TTN: variants seen among roughly 807,000 people sequenced by gnomAD.
The protein encoded by TTN is connectin.
Under a neutral mutation model 3,223.0 loss-of-function variants are expected in TTN, and 1,525 were observed. That is an observed-to-expected ratio of 0.47 (90% confidence interval 0.45 to 0.49). The LOEUF (loss-of-function observed/expected upper bound fraction) is 0.49. Ranked by LOEUF, TTN falls within the 20% of genes least tolerant of loss-of-function variation. The pLI is 0.00. For missense variants in TTN, 40,786 were observed against 43,424.0 expected (o/e 0.94, Z 5.40); for synonymous variants, 14,094 against 15,161.0 (o/e 0.93, Z 5.17).
rs761977224 is a variant in TTN at position 178,779,277 on chromosome 2, C to T, written c.3915G>A (p.Gly1305=). The change falls in exon 23 of 363, where the codon GGG becomes GGA. Residue 1305 remains glycine, a synonymous_variant. Transcript: ENST00000589042. ...TCTTGCAATGAAAAGTGACACCCAT[C>T]CCCTCAAGAATTCTATAATTCTTGA... ...SRIKNYRILE[G]MGVTFHCKMS... 6.2e-7 allele frequency: 1 copy of T among 1,613,826 alleles called. No individual in the cohort carries two copies. The highest frequency in any genetic ancestry group is 1.1e-5 in the South Asian group (1 of 91,072).
chr2:178,675,708 A>G lies in TTN; in HGVS notation c.34500T>C (p.Pro11500=). 2.1e-6 allele frequency: 3 copies of G among 1,428,874 alleles called. No homozygotes were observed. Among genetic ancestry groups the G allele is most frequent in the Non-Finnish European group, 2.7e-6 (3 of 1,100,740 alleles). 88.5% of individuals were successfully genotyped at this position (1,428,874 alleles called of 1,614,324 possible). ...KKPEPEKKVP[P]PGLKKAVAPP... The stretch of plus-strand genomic sequence containing the variant: ...GGGCCACTGCTTTCTTAAGACCAGG[A>G]GGAGGGACCTTCTTTTCTGGCTCAG... The change falls in exon 149 of 363, where the codon CCT becomes CCC. Residue 11500 remains proline, a synonymous_variant. Coordinates refer to ENST00000589042, the MANE Select transcript of TTN (RefSeq NM_001267550.2).
In TTN at chr2:178,779,025, C is replaced by G. The variant is rs36062108; in HGVS notation, c.4057G>C (p.Val1353Leu). 44 of 1,612,846 alleles carry G rather than the reference C, an allele frequency of 2.7e-5. No individual in the cohort carries two copies. The highest frequency in any genetic ancestry group is 3.6e-5 in the Non-Finnish European group (42 of 1,179,612). Residue 1353 changes from valine to leucine, a missense_variant, in exon 24 of 363, where the codon GTT becomes CTT. Transcript: ENST00000589042. The stretch of plus-strand genomic sequence containing the variant: ...ATTCCTTCATCTTCTGGAAGAACAA[C>G]AGGTATACGCAGACTAGCTCTGCCA... ...QDGRASLRIP[V>L]VLPEDEGIYT...
In TTN at chr2:178,534,525, A is replaced by C. The variant is rs983992532; in HGVS notation, c.102090T>G (p.Ala34030=). 6.2e-7 allele frequency: 1 copy of C among 1,613,896 alleles called. No homozygotes were observed. Among genetic ancestry groups the C allele is most frequent in the East Asian group, 2.2e-5 (1 of 44,888 alleles). Residue 34030 remains alanine, a synonymous_variant, in exon 358 of 363, where the codon GCT becomes GCG. Coordinates refer to ENST00000589042, the MANE Select transcript of TTN (RefSeq NM_001267550.2). ...ATGCTTCCTCATCGAAAGTATATTCAGCATTCATGATATTCTCAATGATCT... is the reference window on the plus strand; with the variant it reads ...ATGCTTCCTCATCGAAAGTATATTCCGCATTCATGATATTCTCAATGATCT... ...NQQIIENIMN[A]EYTFDEEAFK...
chr2:178,795,056 T>G lies in TTN; in HGVS notation c.1111A>C (p.Arg371=), dbSNP rs765810853. 9.3e-6 allele frequency: 15 copies of G among 1,613,692 alleles called. No individual in the cohort carries two copies. ...ETTLTTSTQI[R]TEERWEGRYG... The stretch of plus-strand genomic sequence containing the variant: ...CTCCCTTCCCATCTCTCTTCTGTCC[T>G]GATCTGAGTAGAGGTTGTCAGCGTT... Residue 371 remains arginine, a synonymous_variant, in exon 7 of 363, where the codon AGG becomes CGG. Transcript: ENST00000589042.
rs397517781 is a variant in TTN at position 178,537,377 on chromosome 2, C to T, written c.99830G>A (p.Gly33277Glu). The T allele has an allele frequency of 4.5e-4, 715 of 1,594,552 alleles. 7 individuals are homozygous for T. In the South Asian group the frequency reaches 7.9e-3, roughly 18 times the overall value. ...CACATCAAGGATGGCATCAACTGTT[C>T]CAAAAACATTGCTGAGCTGGACTTT... ...KYKVQLSNVF[G>E]TVDAILDVEI... is the part of the protein sequence containing the mutation. Residue 33277 changes from glycine (G) to glutamate (E), a missense_variant, in exon 355 of 363, where the codon GGA becomes GAA. Coordinates refer to ENST00000589042, the MANE Select transcript of TTN (RefSeq NM_001267550.2).
rs1577733010 is a variant in TTN at position 178,706,507 on chromosome 2, A to G, written c.29367T>C (p.Asp9789=). 3 of 1,613,682 alleles carry G rather than the reference A, an allele frequency of 1.9e-6. No individual in the cohort carries two copies. Among genetic ancestry groups the G allele is most frequent in the Non-Finnish European group, 2.5e-6 (3 of 1,179,782 alleles). ...CAATTTTCTCTTGTTTCTTCCTTTC[A>G]TCCACCTGTAAGTTAACATTACTTT... ...EIESNVNLQV[D]ERKKQEKIEG... The change falls in exon 102 of 363, where the codon GAT becomes GAC. Residue 9789 remains aspartate (D), a synonymous_variant. Transcript: ENST00000589042.
chr2:178,737,991 A>G, intron 49 of TTN, 91 bp downstream of exon 49: 1 of 1,515,578 alleles, frequency 6.6e-7, no homozygotes, highest in South Asian at 1.3e-5. Context: ...TCCAGTTGGT[A>G]ATACAAGCAT....
chr2:178,635,909 C>T, intron 226 of TTN, 54 bp downstream of exon 226: 2 of 1,535,776 alleles, frequency 1.3e-6, no homozygotes, highest in Non-Finnish European at 1.7e-6. Context: ...GTCCTTTCTT[C>T]CATTTTCTTA....
chr2:178,555,320 C>G (rs146864598), intron 330 of TTN, 168 bp from the exon 331 acceptor site: 2 of 645,766 alleles, frequency 3.1e-6, no homozygotes, highest in Non-Finnish European at 2.5e-6. Context: ...ATAGGCCACT[C>G]TTCTATCTCA....
chr2:178,541,073 C>T (rs949001253), intron 350 of TTN: 11 of 400,130 alleles, frequency 2.7e-5, no homozygotes, highest in South Asian at 1.2e-4. Flanking sequence ...TGCCAGAAAT[C>T]GCTAGCAGCT....
rs367751077 is a variant in TTN at position 178,634,828 on chromosome 2, C to G, written c.42046G>C (p.Gly14016Arg). 1.9e-5 allele frequency: 31 copies of G among 1,610,724 alleles called. No homozygotes were observed. Among genetic ancestry groups the G allele is most frequent in the Non-Finnish European group, 2.6e-5 (31 of 1,178,910 alleles). ...PSPTCEIKAE[G>R]GKRFLTLHKV... is the part of the protein sequence containing the mutation. Reference sequence around the variant, plus strand: ...TGCAAAGTTAAGAAGCGTTTTCCACCTTCTGCTTTGATTTCACAAGTCTGA... The same window carrying G: ...TGCAAAGTTAAGAAGCGTTTTCCACGTTCTGCTTTGATTTCACAAGTCTGA... The change falls in exon 229 of 363, where the codon GGT (glycine) becomes CGT (arginine). Residue 14016 changes from glycine to arginine, a missense_variant. By Grantham distance (125) the Gly-to-Arg change is moderately radical (BLOSUM62 -2). Transcript: ENST00000589042. The surrounding 1 kb of genome is among the most constrained non-coding windows in gnomAD (Gnocchi z 4.6).
Position 178,779,394 on chromosome 2 carries a change from T to G in TTN, c.3798A>C (p.Thr1266=), listed in dbSNP as rs527497634. Residue 1266 remains threonine (T), a synonymous_variant, in exon 23 of 363, where the codon ACA becomes ACC. Coordinates refer to ENST00000589042, the MANE Select transcript of TTN (RefSeq NM_001267550.2). The part of the protein sequence containing the change: ...KEIEYRIIKT[T]LEELLEEDGE... ...CATCTTCTTCAAGAAGTTCTTCTAATGTAGTCTTTATTATTCTATATTCAA... is the reference window on the plus strand; with the variant it reads ...CATCTTCTTCAAGAAGTTCTTCTAAGGTAGTCTTTATTATTCTATATTCAA... 2.4e-5 allele frequency: 39 copies of G among 1,599,224 alleles called. No homozygotes were observed. In the South Asian group the frequency reaches 4.2e-4, roughly 17 times the overall value.
chr2:178,700,291 T>C (rs994778262), intron 111 of TTN, among the ~76,000 whole-genome samples: 6 of 152,228 alleles, frequency 3.9e-5, no homozygotes, highest in Non-Finnish European at 5.9e-5. Context: ...AAGTTTCTAA[T>C]TGAATTTCCT....
At position 178,732,671 on chromosome 2, in the gene TTN, C is replaced by T. The variant is rs2080761564; in HGVS notation, c.16390G>A (p.Gly5464Ser). ...TKPGSKDVLP[G>S]SAVCLKSTFQ... is the part of the protein sequence containing the mutation. ...GTGCTCTTCAGGCAGACTGCTGAGC[C>T]AGGCAGAACATCCTTTGAGCCGGGT... The change falls in exon 56 of 363, where the codon GGC becomes AGC. Residue 5464 changes from glycine (G) to serine (S), a missense_variant. Coordinates refer to ENST00000589042, the MANE Select transcript of TTN (RefSeq NM_001267550.2). 6.2e-7 allele frequency: 1 copy of T among 1,606,916 alleles called. No homozygotes were observed. The highest frequency in any genetic ancestry group is 2.2e-5 in the East Asian group (1 of 44,632).
In TTN at chr2:178,679,758, T is replaced by C. The variant is rs1171756796; in HGVS notation, c.33581-76A>G. 7.8e-6 allele frequency: 12 copies of C among 1,537,388 alleles called. No homozygotes were observed. The African/African-American group carries it at 1.5e-4, about 20-fold the overall frequency. On this transcript the variant is annotated intron_variant, in intron 140 of 362. Transcript: ENST00000589042. ...ATGTGAAAAGCACCTGTAGAAATCA[T>C]ATTTCAGCATCTAAAAATATCTGCT...
Position 178,727,883 on chromosome 2 carries a change from T to G in TTN, c.19715-20A>C. 14 of 1,526,536 alleles carry G rather than the reference T, an allele frequency of 9.2e-6. No individual in the cohort carries two copies. Among genetic ancestry groups the G allele is most frequent in the Non-Finnish European group, 1.1e-5 (13 of 1,141,354 alleles). 94.6% of individuals were successfully genotyped at this position (1,526,536 alleles called of 1,614,324 possible). Reference sequence around the variant, plus strand: ...GTGGTTCTATAGATTTTAAGAGAGATATATTTAATTAAATTGCTTGCAGTT... The same window carrying G: ...GTGGTTCTATAGATTTTAAGAGAGAGATATTTAATTAAATTGCTTGCAGTT... On this transcript the variant is annotated intron_variant, in intron 67 of 362. Transcript: ENST00000589042.
rs775768014 is a variant in TTN at position 178,779,242 on chromosome 2, T to C, written c.3950A>G (p.Tyr1317Cys). 2 of 1,613,752 alleles carry C rather than the reference T, an allele frequency of 1.2e-6. No homozygotes were observed. Among genetic ancestry groups the C allele is most frequent in the South Asian group, 2.2e-5 (2 of 91,076 alleles). The change falls in exon 23 of 363, where the codon TAT (tyrosine) becomes TGT (cysteine). Residue 1317 changes from tyrosine to cysteine, a missense_variant. Physicochemically the swap from Tyr to Cys is radical, Grantham distance 194. Transcript: ENST00000589042. ...TTTATATTTTACCTTTGGTAATGGA[T>C]ATCCAGACATCTTGCAATGAAAAGT... is the stretch of plus-strand genomic sequence containing the variant. ...GVTFHCKMSG[Y>C]PLPKIAWYKD...
intron 156 of TTN, 83 bp downstream of exon 156, chr2:178,671,007 G>A (rs893426489): frequency 1.1e-5 from 11 of 959,822 alleles, no homozygotes; most frequent in Non-Finnish European, 1.7e-5. Flanking sequence ...AAGACATCAA[G>A]TGGAATGCAA....
Position 178,576,624 on chromosome 2 carries a change from C to T in TTN, c.69620G>A (p.Gly23207Glu). 1 of 1,613,608 alleles carries T rather than the reference C, an allele frequency of 6.2e-7. No individual in the cohort carries two copies. Among genetic ancestry groups the T allele is most frequent in the Non-Finnish European group, 8.5e-7 (1 of 1,179,638 alleles). ...ACTGACACGGAATTCGTAGGTGCTTCCTTCTTGCAGTCCTGTTACTTTGCA... is the reference window on the plus strand; with the variant it reads ...ACTGACACGGAATTCGTAGGTGCTTTCTTCTTGCAGTCCTGTTACTTTGCA... Reference protein sequence around the residue: ...LRCKVTGLQEGSTYEFRVSAE... With the variant: ...LRCKVTGLQEESTYEFRVSAE... The change falls in exon 325 of 363, where the codon GGA becomes GAA. Residue 23207 changes from glycine to glutamate, a missense_variant. Coordinates refer to ENST00000589042, the MANE Select transcript of TTN (RefSeq NM_001267550.2). The surrounding 1 kb of genome is among the most constrained non-coding windows in gnomAD (Gnocchi z 4.3).
Sources: gnomAD v4.1 joint callset for allele counts (sites outside exome capture counted in the v4.1 genomes callset) on GRCh38, gnomAD v4.1.1 for gene constraint, Gnocchi (gnomAD v3.1) non-coding constraint, MANE v1.5 for transcripts, NCBI Gene and HGNC (gene_info 2026-07-23, HGNC 2026-07-21) for gene names.